Variants in EPB41L1 observed in about 807,000 individuals in gnomAD.
EPB41L1 encodes the protein band 4.1-like protein 1.
Under a neutral mutation model 97.8 loss-of-function variants are expected in EPB41L1, and 29 were observed. The observed-to-expected ratio is 0.30, with a 90% confidence interval of 0.22 to 0.40. The LOEUF (loss-of-function observed/expected upper bound fraction) is 0.40, where lower values mean the gene tolerates loss of function less well. Among genes scored for constraint, EPB41L1 ranks in the 10% least tolerant of loss-of-function variants. EPB41L1 has a pLI of 1.00. For missense variants in EPB41L1, 812 were observed against 1,162.3 expected, an observed-to-expected ratio of 0.70 and a Z score of 4.38; for synonymous variants, 383 against 459.2, an observed-to-expected ratio of 0.83 and a Z score of 2.12.
chr20:36,128,914 A>T (rs1600457270), intron 2 of EPB41L1, among the ~76,000 whole-genome samples: 1 of 151,836 alleles, frequency 6.6e-6, no homozygotes, highest in Non-Finnish European at 1.5e-5. Flanking sequence ...TTGCTGGGGG[A>T]CCTTCCCTCC....
At chr20:36,194,492 G>C in intron 12 of EPB41L1, 132 bp downstream of exon 12, 1 of 1,257,136 alleles carries the variant, frequency 8.0e-7, no homozygotes, top group African/African-American at 1.5e-5. Context: ...ACCATGGCAG[G>C]GCCTTGCCTT....
intron 3 of EPB41L1, among the ~76,000 whole-genome samples, chr20:36,177,638 A>G (rs1203297714): frequency 6.6e-6 from 1 of 152,172 alleles, no homozygotes; most frequent in Non-Finnish European, 1.5e-5. Flanking sequence ...TCCTTCTCCT[A>G]ATCACTAAAA....
At chr20:36,143,631 A>G (rs1019795242) in intron 2 of EPB41L1, among the ~76,000 whole-genome samples, 2 of 152,082 alleles carry the variant, frequency 1.3e-5, no homozygotes, top group African/African-American at 2.4e-5. Context: ...TTATCTATCT[A>G]TCACTCAGGG....
chr20:36,183,438 G>A (rs770933050), intron 6 of EPB41L1, among the ~76,000 whole-genome samples: 26 of 152,254 alleles, frequency 1.7e-4, no homozygotes, highest in Non-Finnish European at 3.7e-4. Context: ...CCTGAGGTCA[G>A]GTGCGGGCTA....
chr20:36,206,754 G>T lies in EPB41L1; in HGVS notation c.1669-2734G>T. The T allele has an allele frequency of 1.6e-6, 2 of 1,289,874 alleles. No homozygotes were observed. Among genetic ancestry groups the T allele is most frequent in the South Asian group, 1.2e-5 (1 of 81,030 alleles). The allele number at this position is 1,289,874 out of a possible 1,614,324, so 79.9% of individuals were successfully genotyped here. ...TTGCTGAAGGCTGGGAAGATGCCCAGTGGGGAGTGGAAGGAGAGTTTCCCC... is the reference window on the plus strand; with the variant it reads ...TTGCTGAAGGCTGGGAAGATGCCCATTGGGGAGTGGAAGGAGAGTTTCCCC... On this transcript the variant is annotated intron_variant, in intron 14 of 21. Transcript: ENST00000338074. The surrounding 1 kb of genome is among the most constrained non-coding windows in gnomAD (Gnocchi z 5.5).
chr20:36,127,633 C>T (rs2059025224), intron 2 of EPB41L1, among the ~76,000 whole-genome samples: 1 of 152,182 alleles, frequency 6.6e-6, no homozygotes, highest in African/African-American at 2.4e-5. Context: ...GGCAGACTCA[C>T]TCTTGGCCTT....
chr20:36,182,479 G>A (rs1600792936), intron 6 of EPB41L1, 132 bp downstream of exon 6: 1 of 941,370 alleles, frequency 1.1e-6, no homozygotes, highest in Non-Finnish European at 1.7e-6. Flanking sequence ...CAGGCAGACA[G>A]CATCGTACAC....
chr20:36,124,051 A>G (rs2058858582), intron 2 of EPB41L1, among the ~76,000 whole-genome samples: 1 of 152,092 alleles, frequency 6.6e-6, no homozygotes, highest in Non-Finnish European at 1.5e-5. Flanking sequence ...GATCGAGACC[A>G]TCCTGGCTAA....
chr20:36,145,720 C>T (rs1004190035), intron 2 of EPB41L1, among the ~76,000 whole-genome samples: 2 of 152,214 alleles, frequency 1.3e-5, no homozygotes, highest in Admixed American at 6.5e-5. Context: ...ACATCTGCAC[C>T]GTCCAGTATG....
intron 1 of EPB41L1, among the ~76,000 whole-genome samples, chr20:36,102,180 G>A (rs1250098960): frequency 6.6e-6 from 1 of 152,088 alleles, no homozygotes; most frequent in Non-Finnish European, 1.5e-5. Context: ...TCTCCCCATC[G>A]AGATGATTGG....
intron 2 of EPB41L1, among the ~76,000 whole-genome samples, chr20:36,113,285 G>A (rs560608930): frequency 3.9e-4 from 60 of 152,196 alleles, no homozygotes; most frequent in Admixed American, 9.8e-4. Context: ...ACATGCAAAT[G>A]TCACTGTGAT....
intron 19 of EPB41L1, among the ~76,000 whole-genome samples, 157 bp downstream of exon 19, chr20:36,220,001 ATGT>A (rs1443829293): frequency 6.6e-6 from 1 of 152,284 alleles, no homozygotes; most frequent in Non-Finnish European, 1.5e-5. Flanking sequence ...CCTGTGCCAC[ATGT>A]TGTTCTAGGC....
Position 36,195,945 on chromosome 20 carries a change from G to A in EPB41L1, c.1485+581G>A, listed in dbSNP as rs1052128671. On this transcript the variant is annotated intron_variant, in intron 13 of 21. Coordinates refer to ENST00000338074, the MANE Select transcript of EPB41L1 (RefSeq NM_012156.2). This position sits in a 1 kb window ranked among gnomAD's most constrained non-coding sequence, Gnocchi z 4.6. ...TCCTACACCTCCCCCAGGCAGGGTC[G>A]ACTACTGCTCCGCTATGGCAAAAAC... Among the ~76,000 whole-genome samples, 1 of 152,162 alleles carries A rather than the reference G, an allele frequency of 6.6e-6. No homozygotes were observed. The highest frequency in any genetic ancestry group is 1.5e-5 in the Non-Finnish European group (1 of 68,032).
chr20:36,206,091 T>C lies in EPB41L1; in HGVS notation c.1669-3397T>C, dbSNP rs1426175343. On this transcript the variant is annotated intron_variant, in intron 14 of 21. Coordinates refer to ENST00000338074, the MANE Select transcript of EPB41L1 (RefSeq NM_012156.2). This position sits in a 1 kb window ranked among gnomAD's most constrained non-coding sequence, Gnocchi z 5.5. ...AACAAGGAAAAATGATTGCAAGTCCTGAAGACTTTGAGTCAGTGGGGGAGG... is the reference window on the plus strand; with the variant it reads ...AACAAGGAAAAATGATTGCAAGTCCCGAAGACTTTGAGTCAGTGGGGGAGG... 1 of 1,289,778 alleles carries C rather than the reference T, an allele frequency of 7.8e-7. No individual in the cohort carries two copies. The highest frequency in any genetic ancestry group is 1.5e-5 in the African/African-American group (1 of 65,894). 79.9% of individuals were successfully genotyped at this position (1,289,778 alleles called of 1,614,324 possible). A position where few individuals can be genotyped will look rare whatever the true frequency, so the allele number is the denominator to read the frequency against.
chr20:36,171,499 A>G (rs1359544676), intron 1 of EPB41L1, among the ~76,000 whole-genome samples: 1 of 152,102 alleles, frequency 6.6e-6, no homozygotes, highest in Non-Finnish European at 1.5e-5. Context: ...TCTTCCTTCT[A>G]AATAGCAGCA....
Position 36,185,335 on chromosome 20 carries a change from G to A in EPB41L1, c.785G>A (p.Arg262Lys). Residue 262 changes from arginine (R) to lysine (K), a missense_variant and splice_region_variant, in exon 7 of 22, where the codon AGG becomes AAG. By Grantham distance (26) the Arg-to-Lys change is conservative. Transcript: ENST00000338074. ...ERIMELHKTY[R>K]GMTPGEAEIH... ...ATCATGGAGCTGCATAAGACATATA[G>A]GTAAGAGGGTGCCAGCCAGGGCCTT... The A allele has an allele frequency of 6.2e-7, 1 of 1,612,066 alleles. No homozygotes were observed. Among genetic ancestry groups the A allele is most frequent in the Non-Finnish European group, 8.5e-7 (1 of 1,179,890 alleles).
chr20:36,167,732 T>C (rs1386149640), intron 1 of EPB41L1, among the ~76,000 whole-genome samples: 2 of 150,692 alleles, frequency 1.3e-5, no homozygotes, highest in African/African-American at 4.9e-5. Context: ...ATAATAATAA[T>C]AACAATAATA....
chr20:36,203,672 C>T (rs112987611), intron 14 of EPB41L1, among the ~76,000 whole-genome samples: 3,183 of 152,312 alleles, frequency 0.021, 51 homozygotes, highest in South Asian at 0.065. Flanking sequence ...TCTCAAAGCA[C>T]GTCCCTTTGG....
intron 2 of EPB41L1, chr20:36,125,582 A>G (rs2058931384): frequency 2.0e-6 from 3 of 1,530,818 alleles, no homozygotes; most frequent in South Asian, 2.4e-5. Context: ...AGATTGAACC[A>G]CAAGTGCACA....
Sources: gnomAD v4.1 joint callset for allele counts (sites outside exome capture counted in the v4.1 genomes callset) on GRCh38, gnomAD v4.1.1 for gene constraint, Gnocchi (gnomAD v3.1) non-coding constraint, MANE v1.5 for transcripts, NCBI Gene and HGNC (gene_info 2026-07-23, HGNC 2026-07-21) for gene names.